PLXNA2: variants seen among roughly 807,000 people sequenced by gnomAD.
PLXNA2 encodes plexin A2.
Under a neutral mutation model 193.5 loss-of-function variants are expected in PLXNA2, and 91 were observed. The ratio of observed to expected loss-of-function variants is 0.47; its 90% confidence interval spans 0.40 to 0.56. PLXNA2 has a LOEUF of 0.56. Among genes scored for constraint, PLXNA2 ranks in the 20% least tolerant of loss-of-function variants. The pLI is 0.00. For missense variants in PLXNA2, 1,995 were observed against 2,503.2 expected, an observed-to-expected ratio of 0.80 and a Z score of 4.33; for synonymous variants, 997 against 1,027.3, an observed-to-expected ratio of 0.97 and a Z score of 0.56.
chr1:208,058,702 T>C (rs1284744016), intron 13 of PLXNA2, among the ~76,000 whole-genome samples: 2 of 152,158 alleles, frequency 1.3e-5, no homozygotes, highest in Non-Finnish European at 2.9e-5. Context: ...CAGGAATGCA[T>C]GGGGATTGTT....
intron 11 of PLXNA2, among the ~76,000 whole-genome samples, chr1:208,080,834 C>T (rs1045266743): frequency 3.9e-5 from 6 of 152,154 alleles, no homozygotes; most frequent in African/African-American, 7.2e-5. Context: ...GATAAGGAGA[C>T]TGGATGTAAA....
chr1:208,195,943 G>A lies in PLXNA2; in HGVS notation c.1371+14337C>T, dbSNP rs535243279. On this transcript the variant is annotated intron_variant, in intron 3 of 31. Coordinates refer to ENST00000367033, the MANE Select transcript of PLXNA2 (RefSeq NM_025179.4). ...TCAAGAGGGGCAGCCATTAGACTACGGGAAAGACTGAAGGTACAAGGGAGG... is the reference window on the plus strand; with the variant it reads ...TCAAGAGGGGCAGCCATTAGACTACAGGAAAGACTGAAGGTACAAGGGAGG... 1.1e-4 allele frequency among the ~76,000 whole-genome samples: 16 copies of A among 150,228 alleles called. No individual in the cohort carries two copies. The South Asian group carries it at 1.9e-3, about 18-fold the overall frequency.
At chr1:208,027,881 A>G (rs1377176065) in intron 31 of PLXNA2, 128 bp downstream of exon 31, 1 of 774,658 alleles carries the variant, frequency 1.3e-6, no homozygotes, top group African/African-American at 1.8e-5. Context: ...TAAAGGAATG[A>G]TAATTTTCGA....
rs1289102844 is a variant in PLXNA2 at position 208,236,472 on chromosome 1, C to T, written c.-81+7171G>A. 6.6e-6 allele frequency among the ~76,000 whole-genome samples: 1 copy of T among 152,182 alleles called. No homozygotes were observed. The highest frequency in any genetic ancestry group is 1.5e-5 in the Non-Finnish European group (1 of 68,028). On this transcript the variant is annotated intron_variant, in intron 1 of 31. Transcript: ENST00000367033. The surrounding 1 kb of genome is among the most constrained non-coding windows in gnomAD (Gnocchi z 4.4). ...CAAGGCAGGGCTTTTCTACACACCCCTTCCTCTGCTCCTGAACCTTCCACC... is the reference window on the plus strand; with the variant it reads ...CAAGGCAGGGCTTTTCTACACACCCTTTCCTCTGCTCCTGAACCTTCCACC...
intron 3 of PLXNA2, among the ~76,000 whole-genome samples, chr1:208,167,465 A>C (rs1669346246): frequency 6.6e-6 from 1 of 152,168 alleles, no homozygotes; most frequent in African/African-American, 2.4e-5. Context: ...CAGTGCTGGG[A>C]TGCGTATTTA....
intron 3 of PLXNA2, among the ~76,000 whole-genome samples, chr1:208,167,529 G>A (rs954599128): frequency 3.9e-5 from 6 of 152,166 alleles, no homozygotes; most frequent in Admixed American, 2.6e-4. Flanking sequence ...CATAGAGGTA[G>A]GAGGCAAGGA....
intron 3 of PLXNA2, among the ~76,000 whole-genome samples, chr1:208,205,788 T>G (rs1206208282): frequency 1.3e-5 from 2 of 152,138 alleles, no homozygotes; most frequent in Non-Finnish European, 2.9e-5. Context: ...AAAAAACGTC[T>G]TCCTTATATG....
chr1:208,186,614 T>A (rs1399790302), intron 3 of PLXNA2, among the ~76,000 whole-genome samples: 2 of 151,610 alleles, frequency 1.3e-5, no homozygotes. Context: ...CAGGAGGCGG[T>A]GATGGAGAAA....
At position 208,236,963 on chromosome 1, in the gene PLXNA2, C is replaced by T. The variant is rs114582060; in HGVS notation, c.-81+6680G>A. On this transcript the variant is annotated intron_variant, in intron 1 of 31. Coordinates refer to ENST00000367033, the MANE Select transcript of PLXNA2 (RefSeq NM_025179.4). This position sits in a 1 kb window ranked among gnomAD's most constrained non-coding sequence, Gnocchi z 4.4. ...CTGACAGCATCACTGATGTGGCTCC[C>T]CCAGCCTCAGACGAGGTGCAGGGAG... Among the ~76,000 whole-genome samples, 865 of 152,346 alleles carry T rather than the reference C, an allele frequency of 5.7e-3. 10 individuals are homozygous for T. Among genetic ancestry groups the T allele is most frequent in the African/African-American group, 0.016 (665 of 41,578 alleles).
chr1:208,070,206 T>A lies in PLXNA2; in HGVS notation c.2586+9054A>T, dbSNP rs1423725553. 2.6e-5 allele frequency among the ~76,000 whole-genome samples: 4 copies of A among 152,260 alleles called. No homozygotes were observed. In the East Asian group the frequency reaches 7.7e-4, roughly 29 times the overall value. ...TTTCTTCCCATCTCTGCAGCAGGCT[T>A]AAGATGTACAGATCAAGAAGTGCAT... On this transcript the variant is annotated intron_variant, in intron 12 of 31. Coordinates refer to ENST00000367033, the MANE Select transcript of PLXNA2 (RefSeq NM_025179.4).
At chr1:208,076,030 C>T (rs1666135797) in intron 12 of PLXNA2, among the ~76,000 whole-genome samples, 1 of 150,040 alleles carries the variant, frequency 6.7e-6, no homozygotes, top group African/African-American at 2.5e-5. Flanking sequence ...TGCAGTCCAG[C>T]CTGGGCGACA....
chr1:208,171,294 G>A (rs1669488524), intron 3 of PLXNA2, among the ~76,000 whole-genome samples: 1 of 152,132 alleles, frequency 6.6e-6, no homozygotes, highest in Non-Finnish European at 1.5e-5. Context: ...CAGAGGAGAT[G>A]GTGAATGCAG....
chr1:208,229,313 T>A (rs1671614274), intron 1 of PLXNA2, among the ~76,000 whole-genome samples: 1 of 152,124 alleles, frequency 6.6e-6, no homozygotes, highest in Non-Finnish European at 1.5e-5. Flanking sequence ...ATTTCCTATC[T>A]CCCCACTGAA....
At chr1:208,210,517 T>G in intron 2 of PLXNA2, 55 bp from the exon 3 acceptor site, 1 of 1,482,880 alleles carries the variant, frequency 6.7e-7, no homozygotes. Flanking sequence ...TGGTGAAGTC[T>G]CTACACGACC....
At position 208,044,720 on chromosome 1, in the gene PLXNA2, A is replaced by T. The variant is rs1329745282; in HGVS notation, c.3662T>A (p.Phe1221Tyr). The change falls in exon 20 of 32, where the codon TTC becomes TAC. Residue 1221 changes from phenylalanine (F) to tyrosine (Y), a missense_variant. Transcript: ENST00000367033. The surrounding 1 kb of genome is among the most constrained non-coding windows in gnomAD (Gnocchi z 4.9). ...GATGACACTCACCGAGCCAGGCGAG[A>T]ACACCATCCCGCCCACGTGAACCTG... ...KVMVHVGGMV[F>Y]SPGSVSVISD... is the part of the protein sequence containing the mutation. 2 of 1,613,928 alleles carry T rather than the reference A, an allele frequency of 1.2e-6. No homozygotes were observed. Among genetic ancestry groups the T allele is most frequent in the Admixed American group, 3.3e-5 (2 of 59,998 alleles).
chr1:208,208,276 C>T (rs1670802004), intron 3 of PLXNA2, among the ~76,000 whole-genome samples: 1 of 152,204 alleles, frequency 6.6e-6, no homozygotes, highest in South Asian at 2.1e-4. Context: ...AAGCCTGGAC[C>T]TGAAGATCAT....
At chr1:208,155,034 A>T (rs1668894531) in intron 3 of PLXNA2, among the ~76,000 whole-genome samples, 1 of 152,196 alleles carries the variant, frequency 6.6e-6, no homozygotes, top group Admixed American at 6.5e-5. Context: ...TCAGGGGGAC[A>T]TGGGGGAAAT....
At chr1:208,149,920 T>A (rs1485182191) in intron 3 of PLXNA2, among the ~76,000 whole-genome samples, 1 of 152,136 alleles carries the variant, frequency 6.6e-6, no homozygotes, top group African/African-American at 2.4e-5. Flanking sequence ...TGCCTATTGC[T>A]GGCCCCGCCC....
chr1:208,082,495 C>T lies in PLXNA2; in HGVS notation c.2312G>A (p.Gly771Asp), dbSNP rs185488994. 1.9e-6 allele frequency: 3 copies of T among 1,613,808 alleles called. No homozygotes were observed. In the African/African-American group the frequency reaches 4.0e-5, roughly 22 times the overall value. ...QCQNSSYQYD[G>D]MDISNLAVDF... ...CACGGCCAGATTGCTGATGTCCATG[C>T]CATCATACTGGTACTATAGGGAGAC... Residue 771 changes from glycine (G) to aspartate (D), a missense_variant, in exon 11 of 32, where the codon GGC (glycine) becomes GAC (aspartate). Physicochemically the swap from Gly to Asp is moderately conservative, Grantham distance 94. This residue lies in a region of PLXNA2 where 1,291 missense variants were observed against 1,673.6 expected (regional missense o/e 0.77). Transcript: ENST00000367033. This position sits in a 1 kb window ranked among gnomAD's most constrained non-coding sequence, Gnocchi z 4.2.
Sources: gnomAD v4.1 joint callset for allele counts (sites outside exome capture counted in the v4.1 genomes callset) on GRCh38, gnomAD v4.1.1 for gene constraint, gnomAD v4.1.1 regional missense constraint, Gnocchi (gnomAD v3.1) non-coding constraint, MANE v1.5 for transcripts, NCBI Gene and HGNC (gene_info 2026-07-23, HGNC 2026-07-21) for gene names.